Variants in ATP4A observed in about 807,000 individuals in gnomAD.
ATP4A encodes the protein potassium-transporting ATPase alpha chain 1.
In ATP4A, 73 loss-of-function variants were observed where a neutral mutation model predicts 112.1. The observed-to-expected ratio is 0.65, with a 90% confidence interval of 0.54 to 0.79. The LOEUF (loss-of-function observed/expected upper bound fraction) is 0.79. Among genes scored for constraint, ATP4A ranks in the 30% least tolerant of loss-of-function variants. The pLI, the probability that ATP4A is intolerant of heterozygous loss-of-function variation, is 0.00. For synonymous variants in ATP4A, 588 were observed against 588.9 expected (o/e 1.00, Z 0.02); for missense variants, 1,081 against 1,425.9 (o/e 0.76, Z 3.90).
rs2071657991 is a variant in ATP4A, at chr19:35,559,967, C to T, written c.894G>A (p.Glu298=). 6.2e-7 allele frequency: 1 copy of T among 1,614,246 alleles called. No individual in the cohort carries two copies. The highest frequency in any genetic ancestry group is 1.1e-5 in the South Asian group (1 of 91,086). ...VENEKTPIAI[E]IEHFVDIIAG... ...CGATGATGTCCACAAAATGCTCGAT[C>T]TCGATAGCGATGGGTGTCTTCTCGT... The change falls in exon 7 of 22, where the codon GAG becomes GAA. Residue 298 remains glutamate, a synonymous_variant. Transcript: ENST00000262623. This position sits in a 1 kb window ranked among gnomAD's most constrained non-coding sequence, Gnocchi z 4.1.
In ATP4A at chr19:35,560,110, G is replaced by A. The variant is rs745740609; in HGVS notation, c.788-37C>T. On this transcript the variant is annotated intron_variant, in intron 6 of 21. Transcript: ENST00000262623. The surrounding 1 kb of genome is among the most constrained non-coding windows in gnomAD (Gnocchi z 5.1). ...CCAAGGCGCGACTCAGGGATAGGGG[G>A]CGGCAGTGGGGTGTGCACTGCCGTG... 16 of 1,609,220 alleles carry A rather than the reference G, an allele frequency of 9.9e-6. No individual in the cohort carries two copies. Among genetic ancestry groups the A allele is most frequent in the African/African-American group, 1.3e-5 (1 of 74,894 alleles).
In ATP4A at chr19:35,557,797, C is replaced by A; in HGVS notation, c.1551G>T (p.Val517=). 6.3e-7 allele frequency: 1 copy of A among 1,576,052 alleles called. No homozygotes were observed. ...GCACGCGCTCGGGGGCGCCCTTCAT[C>A]ACCAGCAAGTGTCGCGGGTCCCGCG... ...EDPRDPRHLL[V]MKGAPERVLE... Residue 517 remains valine (V), a synonymous_variant, in exon 11 of 22, where the codon GTG becomes GTT. Coordinates refer to ENST00000262623, the MANE Select transcript of ATP4A (RefSeq NM_000704.3). The surrounding 1 kb of genome is among the most constrained non-coding windows in gnomAD (Gnocchi z 4.4).
At chr19:35,552,128 C>T (rs1193930772) in intron 18 of ATP4A, among the ~76,000 whole-genome samples, 1 of 152,142 alleles carries the variant, frequency 6.6e-6, no homozygotes, top group African/African-American at 2.4e-5. Flanking sequence ...CTCACTGCAA[C>T]TTCCGAATCC....
chr19:35,559,108 G>A lies in ATP4A; in HGVS notation c.1140C>T (p.Ser380=). The A allele has an allele frequency of 3.1e-6, 5 of 1,614,198 alleles. No individual in the cohort carries two copies. Among genetic ancestry groups the A allele is most frequent in the Non-Finnish European group, 4.2e-6 (5 of 1,180,040 alleles). The part of the protein sequence containing the change: ...KNLEAVETLG[S]TSVICSDKTG... ...TCTTGTCCGAGCAGATCACCGAAGT[G>A]GAGCCCAATGTCTCCACCGCCTCCA... The change falls in exon 8 of 22, where the codon TCC becomes TCT. Residue 380 remains serine (S), a synonymous_variant. Transcript: ENST00000262623. This position sits in a 1 kb window ranked among gnomAD's most constrained non-coding sequence, Gnocchi z 4.1.
In ATP4A at chr19:35,560,451, A is replaced by T; in HGVS notation, c.699T>A (p.Ser233=). 1 of 1,613,866 alleles carries T rather than the reference A, an allele frequency of 6.2e-7. No individual in the cohort carries two copies. Residue 233 remains serine, a synonymous_variant, in exon 6 of 22, where the codon TCT becomes TCA. Transcript: ENST00000262623. This position sits in a 1 kb window ranked among gnomAD's most constrained non-coding sequence, Gnocchi z 5.1. ...KVDNSSLTGE[S]EPQTRSPECT... is the part of the protein sequence containing the mutation. ...ACTCGGGTGAGCGGGTCTGTGGCTC[A>T]GACTCCCCTGTCAGCGAGGAGTTGT...
Position 35,560,619 on chromosome 19 carries a change from C to T in ATP4A, c.535-4G>A, listed in dbSNP as rs772425636. 8.4e-5 allele frequency: 75 copies of T among 898,038 alleles called. No homozygotes were observed. The highest frequency in any genetic ancestry group is 1.0e-4 in the Non-Finnish European group (66 of 662,802). The allele number at this position is 898,038 out of a possible 1,614,324, so 55.6% of individuals were successfully genotyped here. On this transcript the variant is annotated splice_polypyrimidine_tract_variant and splice_region_variant and intron_variant, in intron 5 of 21. Transcript: ENST00000262623. The surrounding 1 kb of genome is among the most constrained non-coding windows in gnomAD (Gnocchi z 5.1). Reference sequence around the variant, plus strand: ...CATCGCGGATGACAGTGGCTTGCTGCGGGGCAGGGGCACCAAAGTTGAGGT... The same window carrying T: ...CATCGCGGATGACAGTGGCTTGCTGTGGGGCAGGGGCACCAAAGTTGAGGT...
chr19:35,560,581 T>A lies in ATP4A; in HGVS notation c.569A>T (p.Gln190Leu), dbSNP rs1423572314. The change falls in exon 6 of 22, where the codon CAG (glutamine) becomes CTG (leucine). Residue 190 changes from glutamine to leucine, a missense_variant. Around this residue, in one of 3 missense-constraint regions of ATP4A, gnomAD observed 850 missense variants for 1,068.2 expected, o/e 0.80. Coordinates refer to ENST00000262623, the MANE Select transcript of ATP4A (RefSeq NM_000704.3). This position sits in a 1 kb window ranked among gnomAD's most constrained non-coding sequence, Gnocchi z 5.1. ...CACCACCAGTTGGTCAGCGTTGATC[T>A]GGAATTTGTCTCCATCGCGGATGAC... is the stretch of plus-strand genomic sequence containing the variant. ...ATVIRDGDKF[Q>L]INADQLVVGD... The A allele has an allele frequency of 6.2e-7, 1 of 1,608,220 alleles. No individual in the cohort carries two copies. Among genetic ancestry groups the A allele is most frequent in the Non-Finnish European group, 8.5e-7 (1 of 1,178,968 alleles).
At chr19:35,561,813 T>C (rs1316381864) in intron 4 of ATP4A, among the ~76,000 whole-genome samples, 1 of 151,212 alleles carries the variant, frequency 6.6e-6, no homozygotes. Flanking sequence ...GTCCTGTGTC[T>C]GCACTGCATG....
At position 35,559,958 on chromosome 19, in the gene ATP4A, A is replaced by G. The variant is rs1262078697; in HGVS notation, c.903T>C (p.His301=). ...CCAGGCCCGCGATGATGTCCACAAAATGCTCGATCTCGATAGCGATGGGTG... is the reference window on the plus strand; with the variant it reads ...CCAGGCCCGCGATGATGTCCACAAAGTGCTCGATCTCGATAGCGATGGGTG... The part of the protein sequence containing the change: ...EKTPIAIEIE[H]FVDIIAGLAI... Residue 301 remains histidine (H), a synonymous_variant, in exon 7 of 22, where the codon CAT becomes CAC. Coordinates refer to ENST00000262623, the MANE Select transcript of ATP4A (RefSeq NM_000704.3). The surrounding 1 kb of genome is among the most constrained non-coding windows in gnomAD (Gnocchi z 4.1). The G allele has an allele frequency of 6.2e-7, 1 of 1,614,224 alleles. No homozygotes were observed. Among genetic ancestry groups the G allele is most frequent in the Non-Finnish European group, 8.5e-7 (1 of 1,180,040 alleles).
Position 35,557,201 on chromosome 19 carries a change from A to AC in ATP4A, c.1694-114dup, listed in dbSNP as rs2071636153. On this transcript the variant is annotated intron_variant, in intron 11 of 21. Transcript: ENST00000262623. The surrounding 1 kb of genome is among the most constrained non-coding windows in gnomAD (Gnocchi z 4.4). ...TGCACCAAACACCTATGGATGCCTGACCTTGTGCTGACCCCTTCACTCACA... is the reference window on the plus strand; with the variant it reads ...TGCACCAAACACCTATGGATGCCTGACCCTTGTGCTGACCCCTTCACTCACA... 5.7e-6 allele frequency: 7 copies of AC among 1,223,754 alleles called. No homozygotes were observed. In the East Asian group the frequency reaches 1.7e-4, roughly 30 times the overall value. 75.8% of individuals were successfully genotyped at this position (1,223,754 alleles called of 1,614,324 possible).
Position 35,550,841 on chromosome 19 carries a change from G to A in ATP4A, c.3072C>T (p.Cys1024=). 6.2e-7 allele frequency: 1 copy of A among 1,614,078 alleles called. No homozygotes were observed. Reference sequence around the variant, plus strand: ...CCCAGTCTCCACACTCACTCCCTGGGCAACAGCGAACTCCAAGCTTCCGGA... The same window carrying A: ...CCCAGTCTCCACACTCACTCCCTGGACAACAGCGAACTCCAAGCTTCCGGA... ...DEIRKLGVRC[C]PGSWWDQELY... Residue 1024 remains cysteine (C), a synonymous_variant, in exon 21 of 22, where the codon TGC becomes TGT. Transcript: ENST00000262623. The surrounding 1 kb of genome is among the most constrained non-coding windows in gnomAD (Gnocchi z 4.1).
At chr19:35,556,769 A>G in intron 12 of ATP4A, 144 bp downstream of exon 12, 1 of 992,460 alleles carries the variant, frequency 1.0e-6, no homozygotes, top group Non-Finnish European at 1.4e-6. Flanking sequence ...CCTGAAGCTT[A>G]ATTCCCCAGA....
rs2071597650 is a variant in ATP4A, at chr19:35,550,885, T to C, written c.3028A>G (p.Ile1010Val). The change falls in exon 21 of 22, where the codon ATC becomes GTC. Residue 1010 changes from isoleucine to valine, a missense_variant. Ile to Val is a conservative substitution (Grantham distance 29, BLOSUM62 3). Transcript: ENST00000262623. This position sits in a 1 kb window ranked among gnomAD's most constrained non-coding sequence, Gnocchi z 4.1. ...WLVPLPYGIL[I>V]FVYDEIRKLG... is the part of the protein sequence containing the mutation. ...TTCCGGATCTCATCATAGACGAAGA[T>C]GAGGATGCCGTAGGGCAGGGGGACC... 2 of 1,614,110 alleles carry C rather than the reference T, an allele frequency of 1.2e-6. No homozygotes were observed. The highest frequency in any genetic ancestry group is 1.7e-6 in the Non-Finnish European group (2 of 1,180,034).
rs777368045 is a variant in ATP4A, at chr19:35,560,060, G to C, written c.801C>G (p.Gly267=). ...TGCGGTCGCCCGTGTTCACCACCAG[G>C]CCCTGCACGGTGCCTGCAGGGGGGC... ...STMCLEGTVQ[G]LVVNTGDRTI... Residue 267 remains glycine, a synonymous_variant, in exon 7 of 22, where the codon GGC becomes GGG. Transcript: ENST00000262623. This position sits in a 1 kb window ranked among gnomAD's most constrained non-coding sequence, Gnocchi z 5.1. 17 of 1,613,790 alleles carry C rather than the reference G, an allele frequency of 1.1e-5. No homozygotes were observed. In the African/African-American group the frequency reaches 1.1e-4, roughly 10 times the overall value.
intron 4 of ATP4A, among the ~76,000 whole-genome samples, chr19:35,561,917 A>G (rs569650798): frequency 9.0e-4 from 122 of 135,352 alleles, no homozygotes; most frequent in Admixed American, 1.4e-3. Context: ...GTGCAGTGGC[A>G]TGGTCTTGGC....
At chr19:35,553,978 G>T (rs2071616639) in intron 16 of ATP4A, 149 bp from the exon 17 acceptor site, 5 of 1,173,564 alleles carry the variant, frequency 4.3e-6, no homozygotes, top group Non-Finnish European at 5.8e-6. Flanking sequence ...CACCAGCCTG[G>T]ACAGCCTGGG....
At position 35,559,680 on chromosome 19, in the gene ATP4A, G is replaced by A; in HGVS notation, c.1056+125C>T. 1 of 1,410,836 alleles carries A rather than the reference G, an allele frequency of 7.1e-7. No individual in the cohort carries two copies. The highest frequency in any genetic ancestry group is 2.6e-4 in the Middle Eastern group (1 of 3,902). The allele number at this position is 1,410,836 out of a possible 1,614,324, so 87.4% of individuals were successfully genotyped here. ...TGAATGAGTGGATGATGGGAAGGCA[G>A]GAGAATGGATGGGAGCTAAGTGGAC... On this transcript the variant is annotated intron_variant, in intron 7 of 21. Coordinates refer to ENST00000262623, the MANE Select transcript of ATP4A (RefSeq NM_000704.3). The surrounding 1 kb of genome is among the most constrained non-coding windows in gnomAD (Gnocchi z 4.1).
At chr19:35,556,776 C>CAG in intron 12 of ATP4A, 137 bp downstream of exon 12, 3 of 1,060,574 alleles carry the variant, frequency 2.8e-6, no homozygotes, top group South Asian at 3.4e-5. Flanking sequence ...CTTAATTCCC[C>CAG]AGAATTTTTC....
At position 35,555,488 on chromosome 19, in the gene ATP4A, G is replaced by A; in HGVS notation, c.2109C>T (p.Arg703=). 6.2e-7 allele frequency: 1 copy of A among 1,610,974 alleles called. No homozygotes were observed. The highest frequency in any genetic ancestry group is 8.5e-7 in the Non-Finnish European group (1 of 1,178,164). ...LRTHPEMVFA[R]TSPQQKLVIV... ...TCACCAGCTTCTGCTGGGGGCTGGT[G>A]CGCGCAAACACCATCTCGGGGTGGG... The change falls in exon 14 of 22, where the codon CGC becomes CGT. Residue 703 remains arginine (R), a synonymous_variant. Coordinates refer to ENST00000262623, the MANE Select transcript of ATP4A (RefSeq NM_000704.3). This position sits in a 1 kb window ranked among gnomAD's most constrained non-coding sequence, Gnocchi z 6.6.
Sources: allele counts gnomAD v4.1 joint callset (sites outside exome capture counted in the v4.1 genomes callset), GRCh38; gene constraint gnomAD v4.1.1; regional missense constraint gnomAD v4.1.1; non-coding constraint Gnocchi (gnomAD v3.1); transcripts MANE v1.5; gene names NCBI Gene and HGNC (gene_info 2026-07-23, HGNC 2026-07-21).